The following YY1AP1 variants were observed in gnomAD, a reference collection of about 807,000 sequenced individuals.
YY1AP1 encodes the protein YY1-associated protein 1.
In YY1AP1, 43 loss-of-function variants were observed where a neutral mutation model predicts 39.9. That is an observed-to-expected ratio of 1.08 (90% CI 0.84 to 1.39). The LOEUF is 1.39. Among genes scored for constraint, YY1AP1 ranks in the 40% most tolerant of loss-of-function variants. YY1AP1 has a pLI of 0.00. For synonymous variants in YY1AP1, 292 were observed against 331.3 expected (o/e 0.88, Z 1.29); for missense variants, 813 against 900.7 (o/e 0.90, Z 1.25).
chr1:155,688,161 A>T lies in YY1AP1; in HGVS notation c.-111T>A. 2 of 1,613,898 alleles carry T rather than the reference A, an allele frequency of 1.2e-6. No homozygotes were observed. The highest frequency in any genetic ancestry group is 1.1e-5 in the South Asian group (1 of 91,072). On this transcript the variant is annotated 5_prime_UTR_variant, in exon 2 of 11. Transcript: ENST00000355499. ...CTCCGCTTCCCTGGGTCCACCGCGGATCCCTCCCGCTTGTCAGGAGGCGGC... is the reference window on the plus strand; with the variant it reads ...CTCCGCTTCCCTGGGTCCACCGCGGTTCCCTCCCGCTTGTCAGGAGGCGGC...
intron 10 of YY1AP1, 85 bp from the exon 11 acceptor site, chr1:155,660,998 C>G (rs1648017664): frequency 6.2e-7 from 1 of 1,601,880 alleles, no homozygotes; most frequent in African/African-American, 1.3e-5. Context: ...GGACCTGAGA[C>G]AAGCTCAAGG....
At position 155,688,594 on chromosome 1, in the gene YY1AP1, C is replaced by T. The variant is rs891961492; in HGVS notation, c.-152+65G>A. 5.9e-6 allele frequency: 9 copies of T among 1,536,124 alleles called. No homozygotes were observed. The African/African-American group carries it at 1.1e-4, about 19-fold the overall frequency. On this transcript the variant is annotated intron_variant, in intron 1 of 10. Transcript: ENST00000355499. The stretch of plus-strand genomic sequence containing the variant: ...ACGCGCTCACCCACGGGAACCTCCT[C>T]GCCCAGTTCTCCACTCCCCCTCAGA...
intron 9 of YY1AP1, among the ~76,000 whole-genome samples, chr1:155,663,369 CAA>C (rs59153587): frequency 1.0e-3 from 120 of 115,568 alleles, no homozygotes; most frequent in African/African-American, 1.5e-3. Flanking sequence ...GACTCCATCT[CAA>C]AAAAAAAAAA....
At chr1:155,679,811 G>C (rs1004110839) in intron 3 of YY1AP1, 2 of 1,229,788 alleles carry the variant, frequency 1.6e-6, no homozygotes, top group African/African-American at 3.1e-5. Context: ...TTATGGAAAA[G>C]GTAATTATTT....
Position 155,682,118 on chromosome 1 carries a change from T to G in YY1AP1, c.-20-1662A>C, listed in dbSNP as rs888031335. Among the ~76,000 whole-genome samples the G allele has an allele frequency of 3.9e-5, 6 of 151,912 alleles. No homozygotes were observed. The East Asian group carries it at 1.2e-3, about 29-fold the overall frequency. On this transcript the variant is annotated intron_variant, in intron 2 of 10. Coordinates refer to ENST00000355499, the MANE Select transcript of YY1AP1 (RefSeq NM_139119.3). ...AATGAGAAATTAGGAGGCAGCTTGATTTTTTTTTATTTCCTCAGAGATCTT... is the reference window on the plus strand; with the variant it reads ...AATGAGAAATTAGGAGGCAGCTTGAGTTTTTTTTATTTCCTCAGAGATCTT...
Position 155,688,244 on chromosome 1 carries a change from A to T in YY1AP1, c.-151-43T>A, listed in dbSNP as rs758007166. The T allele has an allele frequency of 3.0e-5, 48 of 1,610,092 alleles. No homozygotes were observed. The East Asian group carries it at 1.1e-3, about 35-fold the overall frequency. On this transcript the variant is annotated intron_variant, in intron 1 of 10. Coordinates refer to ENST00000355499, the MANE Select transcript of YY1AP1 (RefSeq NM_139119.3). ...GAGGAGAAGGGAAAGGTGGAGGGCT[A>T]AAGGGGCAAACTGAGAGGAGGCGGA...
At position 155,680,597 on chromosome 1, in the gene YY1AP1, CA is replaced by C. The variant is rs537103034; in HGVS notation, c.-20-142del. On this transcript the variant is annotated intron_variant, in intron 2 of 10. Transcript: ENST00000355499. ...TATCCTTATTCCTGAGACAGGGTCT[CA>C]CTCTGTCACCCGGGCTGGAGGGCAG... is the stretch of plus-strand genomic sequence containing the variant. 3,591 of 682,414 alleles carry C rather than the reference CA, an allele frequency of 5.3e-3. 14 individuals are homozygous for C. The highest frequency in any genetic ancestry group is 7.5e-3 in the Non-Finnish European group (2,978 of 398,098). The allele number at this position is 682,414 out of a possible 1,614,324, so 42.3% of individuals were successfully genotyped here.
At chr1:155,668,226 G>A (rs548085822) in intron 9 of YY1AP1, among the ~76,000 whole-genome samples, 9 of 152,082 alleles carry the variant, frequency 5.9e-5, no homozygotes, top group South Asian at 4.2e-4. Context: ...ACTTGAACCC[G>A]GGAGGCGGAA....
chr1:155,672,726 C>A lies in YY1AP1; in HGVS notation c.417G>T (p.Glu139Asp). The A allele has an allele frequency of 6.2e-7, 1 of 1,614,142 alleles. No homozygotes were observed. Among genetic ancestry groups the A allele is most frequent in the Non-Finnish European group, 8.5e-7 (1 of 1,180,024 alleles). The change falls in exon 7 of 11, where the codon GAG (glutamate) becomes GAT (aspartate). Residue 139 changes from glutamate (E) to aspartate (D), a missense_variant. By Grantham distance (45) the Glu-to-Asp change is conservative. This residue lies in a region of YY1AP1 where 196 missense variants were observed against 189.7 expected (regional missense o/e 1.03). Transcript: ENST00000355499. ...TGGAGCTTTGAGCAAAGGTTCCCAG[C>A]TCTTTCTGGGAAAACACGACACAAG... ...EASSTRICLK[E>D]LGTFAQSSIA...
chr1:155,660,396 G>T lies in YY1AP1; in HGVS notation c.1514C>A (p.Ser505Tyr). The T allele has an allele frequency of 6.2e-7, 1 of 1,614,196 alleles. No individual in the cohort carries two copies. The highest frequency in any genetic ancestry group is 8.5e-7 in the Non-Finnish European group (1 of 1,180,042). Reference sequence around the variant, plus strand: ...CATCATTACCTTGGGCACAGGGGCAGAAGAGAGCAAAGTCTGGGACTCAGA... The same window carrying T: ...CATCATTACCTTGGGCACAGGGGCATAAGAGAGCAAAGTCTGGGACTCAGA... The part of the protein sequence containing the change: ...PLSESQTLLS[S>Y]APVPKVMMPS... Residue 505 changes from serine to tyrosine, a missense_variant, in exon 11 of 11, where the codon TCT (serine) becomes TAT (tyrosine). Physicochemically the swap from Ser to Tyr is moderately radical, Grantham distance 144. Transcript: ENST00000355499.
At position 155,661,391 on chromosome 1, in the gene YY1AP1, T is replaced by G. The variant is rs1476623854; in HGVS notation, c.912A>C (p.Leu304=). ...FYKKTKQLPV[L]GKCCEEIQPH... ...GCTGGATCTCTTCACAGCATTTTCC[T>G]AGGACTGGCAGCTGTTTGGTCTTCT... is the stretch of plus-strand genomic sequence containing the variant. The change falls in exon 10 of 11, where the codon CTA becomes CTC. Residue 304 remains leucine, a synonymous_variant. Coordinates refer to ENST00000355499, the MANE Select transcript of YY1AP1 (RefSeq NM_139119.3). 6.2e-7 allele frequency: 1 copy of G among 1,613,954 alleles called. No homozygotes were observed. Among genetic ancestry groups the G allele is most frequent in the South Asian group, 1.1e-5 (1 of 91,076 alleles).
At chr1:155,679,819 T>C in intron 3 of YY1AP1, 1 of 1,212,424 alleles carries the variant, frequency 8.2e-7, no homozygotes, top group Non-Finnish European at 1.0e-6. Flanking sequence ...AAGGTAATTA[T>C]TTGTGTGCAA....
chr1:155,674,913 A>G (rs1650415267), intron 6 of YY1AP1, 97 bp downstream of exon 6: 1 of 1,069,700 alleles, frequency 9.3e-7, no homozygotes, highest in African/African-American at 1.6e-5. Context: ...AGGAAGCCAC[A>G]GCAATCAAAA....
chr1:155,688,335 G>GGCA, intron 1 of YY1AP1, 134 bp from the exon 2 acceptor site: 3 of 1,551,106 alleles, frequency 1.9e-6, no homozygotes, highest in Non-Finnish European at 2.6e-6. Flanking sequence ...CGGCAGCGGC[G>GGCA]GCAGCAGAGT....
Position 155,668,884 on chromosome 1 carries a change from A to G in YY1AP1, c.729-107T>C, listed in dbSNP as rs1649447937. On this transcript the variant is annotated intron_variant, in intron 8 of 10. Transcript: ENST00000355499. ...TCTACTTTTTCTTACTTGTTCTTAA[A>G]ACAAGGTCTCACTCTGTCACCTGGG... 37 of 1,536,144 alleles carry G rather than the reference A, an allele frequency of 2.4e-5. No homozygotes were observed. The South Asian group carries it at 4.3e-4, about 18-fold the overall frequency.
intron 2 of YY1AP1, among the ~76,000 whole-genome samples, chr1:155,685,225 G>C (rs1208536482): frequency 6.6e-6 from 1 of 152,184 alleles, no homozygotes; most frequent in Non-Finnish European, 1.5e-5. Context: ...GTGACAAAAA[G>C]TCTTTGCAAT....
intron 2 of YY1AP1, among the ~76,000 whole-genome samples, chr1:155,686,409 A>G (rs766362989): frequency 2.6e-5 from 4 of 152,130 alleles, no homozygotes; most frequent in Admixed American, 6.5e-5. Flanking sequence ...TCCAACATCC[A>G]CAGGCACATA....
chr1:155,678,027 G>A (rs796629971), intron 4 of YY1AP1, among the ~76,000 whole-genome samples: 14 of 152,310 alleles, frequency 9.2e-5, no homozygotes, highest in African/African-American at 3.4e-4. Flanking sequence ...AGAAGCAGAA[G>A]CTGCCCAAGT....
At chr1:155,680,311 T>C in intron 3 of YY1AP1, 105 bp downstream of exon 3, 1 of 1,297,296 alleles carries the variant, frequency 7.7e-7, no homozygotes, top group Non-Finnish European at 1.1e-6. Flanking sequence ...AAAGGAGAAT[T>C]GGTTCAGTCC....
Sources: gnomAD v4.1 joint callset for allele counts (sites outside exome capture counted in the v4.1 genomes callset) on GRCh38, gnomAD v4.1.1 for gene constraint, gnomAD v4.1.1 regional missense constraint, MANE v1.5 for transcripts, NCBI Gene and HGNC (gene_info 2026-07-23, HGNC 2026-07-21) for gene names.